CIAO2A: variants seen among roughly 807,000 people sequenced by gnomAD.
The protein encoded by CIAO2A is MIP18 family protein FAM96A.
Under a neutral mutation model 22.4 loss-of-function variants are expected in CIAO2A, and 17 were observed. That is an observed-to-expected ratio of 0.76 (90% confidence interval 0.52 to 1.14). The LOEUF (loss-of-function observed/expected upper bound fraction) is 1.14. Among genes scored for constraint, CIAO2A ranks in the 50% most tolerant of loss-of-function variants. The pLI is 0.00. For synonymous variants in CIAO2A, 74 were observed against 72.3 expected (o/e 1.02, Z -0.12); for missense variants, 192 against 191.4 (o/e 1.00, Z -0.02).
At chr15:64,078,768 T>C (rs1595953443) in intron 3 of CIAO2A, among the ~76,000 whole-genome samples, 1 of 150,902 alleles carries the variant, frequency 6.6e-6, no homozygotes, top group African/African-American at 2.4e-5. Context: ...CGGGGCTGGG[T>C]GCAGTGGCTC....
intron 4 of CIAO2A, chr15:64,073,929 A>G (rs2080695005): frequency 1.3e-5 from 2 of 152,192 alleles, no homozygotes; most frequent in African/African-American, 4.8e-5. Context: ...TAATAAAAAC[A>G]AATACACATA....
intron 2 of CIAO2A, among the ~76,000 whole-genome samples, chr15:64,087,502 T>G (rs2080807188): frequency 6.6e-6 from 1 of 152,130 alleles, no homozygotes; most frequent in Admixed American, 6.6e-5. Flanking sequence ...GTGCTGGGAT[T>G]ACAGGTGTGA....
At chr15:64,091,314 G>A (rs971685974) in intron 1 of CIAO2A, among the ~76,000 whole-genome samples, 1 of 151,880 alleles carries the variant, frequency 6.6e-6, no homozygotes. Context: ...GCAAAAACCC[G>A]TCTCTACTAA....
intron 2 of CIAO2A, among the ~76,000 whole-genome samples, chr15:64,083,804 C>T (rs1264054322): frequency 6.6e-6 from 1 of 151,848 alleles, no homozygotes; most frequent in Non-Finnish European, 1.5e-5. Flanking sequence ...ATTAGTTGGG[C>T]ATGGTGGCAC....
intron 2 of CIAO2A, among the ~76,000 whole-genome samples, chr15:64,085,363 T>G (rs2080785963): frequency 6.6e-6 from 1 of 152,086 alleles, no homozygotes; most frequent in African/African-American, 2.4e-5. Context: ...CCAGGCATAG[T>G]GGCACCTGCC....
chr15:64,072,833 CA>C lies in CIAO2A; in HGVS notation c.*97del, dbSNP rs1257134583. 1 of 738,128 alleles carries C rather than the reference CA, an allele frequency of 1.4e-6. No individual in the cohort carries two copies. Among genetic ancestry groups the C allele is most frequent in the African/African-American group, 1.8e-5 (1 of 56,326 alleles). 45.7% of individuals were successfully genotyped at this position (738,128 alleles called of 1,614,324 possible). A position where few individuals can be genotyped will look rare whatever the true frequency, so the allele number is the denominator to read the frequency against. On this transcript the variant is annotated 3_prime_UTR_variant, in exon 5 of 5. Coordinates refer to ENST00000300030, the MANE Select transcript of CIAO2A (RefSeq NM_032231.7). ...ATCCTTTAAAAAATACTCTGAGGTA[CA>C]AATCACCTATGTATTAAACATGAGT...
intron 2 of CIAO2A, among the ~76,000 whole-genome samples, chr15:64,084,001 T>C (rs1338659654): frequency 6.6e-6 from 1 of 152,082 alleles, no homozygotes; most frequent in Non-Finnish European, 1.5e-5. Flanking sequence ...TGGTCTTAGC[T>C]GAAATGCATA....
At chr15:64,088,272 C>T (rs1198539268) in intron 2 of CIAO2A, among the ~76,000 whole-genome samples, 2 of 152,172 alleles carry the variant, frequency 1.3e-5, no homozygotes, top group Non-Finnish European at 2.9e-5. Flanking sequence ...TGACACCACC[C>T]ACTCCAACCT....
chr15:64,077,297 C>CAACAA (rs61363469), intron 3 of CIAO2A, among the ~76,000 whole-genome samples: 77,392 of 150,416 alleles, frequency 0.51, 24,253 homozygotes, highest in East Asian at 0.76. Flanking sequence ...GACTCCGTCT[C>CAACAA]AACAAAACAA....
intron 2 of CIAO2A, among the ~76,000 whole-genome samples, chr15:64,083,510 C>T (rs1477828710): frequency 2.0e-5 from 3 of 152,212 alleles, no homozygotes; most frequent in African/African-American, 7.2e-5. Context: ...GATACTCTTA[C>T]TCAGGCACCT....
intron 2 of CIAO2A, 88 bp from the exon 3 acceptor site, chr15:64,081,239 C>A (rs1045385096): frequency 8.0e-5 from 100 of 1,252,724 alleles, no homozygotes; most frequent in Middle Eastern, 7.5e-4. Flanking sequence ...TATGTGCCCC[C>A]ATACAACACA....
At chr15:64,077,680 ATTC>A (rs2080729183) in intron 3 of CIAO2A, among the ~76,000 whole-genome samples, 1 of 152,232 alleles carries the variant, frequency 6.6e-6, no homozygotes, top group South Asian at 2.1e-4. Flanking sequence ...TCTGGTTTAC[ATTC>A]TTCAAAAATA....
chr15:64,087,380 C>A (rs192353799), intron 2 of CIAO2A, among the ~76,000 whole-genome samples: 1 of 152,090 alleles, frequency 6.6e-6, no homozygotes, highest in African/African-American at 2.4e-5. Flanking sequence ...CGTAAGCCAC[C>A]GCGCCCGGCC....
Position 64,093,358 on chromosome 15 carries a change from G to A in CIAO2A, c.124+287C>T, listed in dbSNP as rs1345193825. Among the ~76,000 whole-genome samples the A allele has an allele frequency of 2.0e-5, 3 of 152,246 alleles. No homozygotes were observed. In the East Asian group the frequency reaches 5.8e-4, roughly 29 times the overall value. ...CCACAAGTCTTGGAATGGTTACTAA[G>A]ACGTAGGCCACACGTGGAGAATGAA... On this transcript the variant is annotated intron_variant, in intron 1 of 4. Coordinates refer to ENST00000300030, the MANE Select transcript of CIAO2A (RefSeq NM_032231.7).
intron 1 of CIAO2A, chr15:64,090,172 G>T: frequency 6.3e-6 from 1 of 158,408 alleles, no homozygotes; most frequent in South Asian, 1.5e-4. Flanking sequence ...GTAAAACCTC[G>T]TCTCTACTAA....
chr15:64,073,801 C>T (rs1341249756), intron 4 of CIAO2A: 3 of 152,188 alleles, frequency 2.0e-5, no homozygotes, highest in Admixed American at 2.0e-4. Flanking sequence ...GTTGCCCAGG[C>T]TAGTCTTGAA....
chr15:64,088,894 T>C (rs946664267), intron 1 of CIAO2A, 43 bp from the exon 2 acceptor site: 5 of 1,549,582 alleles, frequency 3.2e-6, no homozygotes, highest in Non-Finnish European at 2.6e-6. Context: ...AAAACATGAC[T>C]ATTCTAAATA....
chr15:64,089,174 G>A (rs1021584372), intron 1 of CIAO2A, among the ~76,000 whole-genome samples: 2 of 152,104 alleles, frequency 1.3e-5, no homozygotes, highest in African/African-American at 2.4e-5. Context: ...TTATAGGAGC[G>A]GAATCTGAAT....
intron 2 of CIAO2A, among the ~76,000 whole-genome samples, chr15:64,085,863 C>A (rs1405301925): frequency 6.6e-6 from 1 of 151,836 alleles, no homozygotes; most frequent in African/African-American, 2.4e-5. Flanking sequence ...CGCCCGCCAC[C>A]ACGCCCAGCT....
Sources: gnomAD v4.1 joint callset for allele counts (sites outside exome capture counted in the v4.1 genomes callset) on GRCh38, gnomAD v4.1.1 for gene constraint, MANE v1.5 for transcripts, NCBI Gene and HGNC (gene_info 2026-07-23, HGNC 2026-07-21) for gene names.